GALNTL6: variants seen among roughly 807,000 people sequenced by gnomAD.
GALNTL6 encodes polypeptide N-acetylgalactosaminyltransferase-like 6.
A neutral mutation model predicts 73.7 loss-of-function variants in GALNTL6; 46 were observed. That is an observed-to-expected ratio of 0.62 (90% CI 0.49 to 0.80). The LOEUF is 0.80. GALNTL6 is among the 30% of genes least tolerant of loss of function. The probability of loss-of-function intolerance (pLI) is 0.00; values close to 1 mark genes in which losing one functional copy is unlikely to be tolerated. For missense variants in GALNTL6, 604 were observed against 755.0 expected, an observed-to-expected ratio of 0.80 and a Z score of 2.34; for synonymous variants, 259 against 263.7, an observed-to-expected ratio of 0.98 and a Z score of 0.17.
intron 2 of GALNTL6, among the ~76,000 whole-genome samples, chr4:172,076,677 AT>A (rs1731711689): frequency 6.6e-6 from 1 of 152,152 alleles, no homozygotes; most frequent in Admixed American, 6.6e-5. Context: ...ATATTCATAT[AT>A]TTTCCCATTA....
intron 2 of GALNTL6, among the ~76,000 whole-genome samples, chr4:172,177,830 C>T (rs1359219203): frequency 1.3e-5 from 1 of 74,224 alleles, no homozygotes; most frequent in African/African-American, 4.7e-5. Context: ...TATATATACA[C>T]ACACATATAT....
chr4:172,330,411 C>A (rs1741086379), intron 4 of GALNTL6, among the ~76,000 whole-genome samples: 1 of 152,210 alleles, frequency 6.6e-6, no homozygotes, highest in African/African-American at 2.4e-5. Context: ...GCTCCCCTGG[C>A]TCCATGTTGC....
At chr4:172,539,875 TTATA>T (rs10589603) in intron 5 of GALNTL6, among the ~76,000 whole-genome samples, 22,170 of 126,298 alleles carry the variant, frequency 0.18, 2,140 homozygotes, top group African/African-American at 0.29. Flanking sequence ...ATACATATGA[TTATA>T]TATATATATA....
At chr4:172,538,620 G>A (rs1735438024) in intron 5 of GALNTL6, among the ~76,000 whole-genome samples, 1 of 152,070 alleles carries the variant, frequency 6.6e-6, no homozygotes, top group Non-Finnish European at 1.5e-5. Context: ...TTAAAGAATA[G>A]GTATTTAATA....
At chr4:172,258,308 G>T (rs893505749) in intron 3 of GALNTL6, among the ~76,000 whole-genome samples, 2 of 151,160 alleles carry the variant, frequency 1.3e-5, no homozygotes, top group African/African-American at 4.8e-5. Flanking sequence ...TCATTAGTAT[G>T]TTATTTTTAT....
chr4:172,414,949 T>C (rs1477988106), intron 5 of GALNTL6, among the ~76,000 whole-genome samples: 1 of 152,166 alleles, frequency 6.6e-6, no homozygotes, highest in African/African-American at 2.4e-5. Flanking sequence ...AATAACATCC[T>C]TTTTTTCACT....
intron 2 of GALNTL6, among the ~76,000 whole-genome samples, chr4:171,958,761 GA>G (rs1420127033): frequency 6.6e-6 from 1 of 151,928 alleles, no homozygotes; most frequent in East Asian, 1.9e-4. Flanking sequence ...GTAATGCATT[GA>G]TAAACATCAG....
rs143372746 is a variant in GALNTL6 at position 172,506,001 on chromosome 4, G to A, written c.553+157312G>A. The stretch of plus-strand genomic sequence containing the variant: ...AGGGAAAGAAACAAAAATACACCAA[G>A]CTCGCAGCACATTCAGCATTATCAT... On this transcript the variant is annotated intron_variant, in intron 5 of 12. Transcript: ENST00000506823. Among the ~76,000 whole-genome samples the A allele has an allele frequency of 1.5e-4, 8 of 54,014 alleles. 3 individuals are homozygous for A. The highest frequency in any genetic ancestry group is 3.7e-4 in the African/African-American group (8 of 21,620). 35.4% of individuals were successfully genotyped at this position (54,014 alleles called of 152,430 possible). A position where few individuals can be genotyped will look rare whatever the true frequency, so the allele number is the denominator to read the frequency against.
intron 2 of GALNTL6, among the ~76,000 whole-genome samples, chr4:171,975,650 G>T (rs1173275318): frequency 6.6e-6 from 1 of 152,074 alleles, no homozygotes; most frequent in Non-Finnish European, 1.5e-5. Flanking sequence ...TAGACCTAAA[G>T]AGAATAAAAA....
chr4:172,966,795 C>T (rs1433337134), intron 10 of GALNTL6, among the ~76,000 whole-genome samples: 1 of 152,214 alleles, frequency 6.6e-6, no homozygotes, highest in Non-Finnish European at 1.5e-5. Context: ...AGCCAATATT[C>T]CTCTAAGTGT....
At chr4:172,920,677 G>C (rs937493378) in intron 8 of GALNTL6, among the ~76,000 whole-genome samples, 2 of 152,108 alleles carry the variant, frequency 1.3e-5, no homozygotes, top group Non-Finnish European at 2.9e-5. Context: ...GCTCAAAAAA[G>C]CTTATTCCCT....
chr4:171,827,717 T>C (rs1250149526), intron 2 of GALNTL6, among the ~76,000 whole-genome samples: 1 of 152,190 alleles, frequency 6.6e-6, no homozygotes, highest in Non-Finnish European at 1.5e-5. Context: ...GGAAGTAACC[T>C]GGATACTATT....
At chr4:171,864,166 T>C (rs1185031178) in intron 2 of GALNTL6, among the ~76,000 whole-genome samples, 1 of 152,196 alleles carries the variant, frequency 6.6e-6, no homozygotes, top group African/African-American at 2.4e-5. Flanking sequence ...TACTTTAACA[T>C]TCTCACTCTT....
At chr4:172,349,923 T>C (rs968539529) in intron 5 of GALNTL6, among the ~76,000 whole-genome samples, 22 of 151,928 alleles carry the variant, frequency 1.4e-4, no homozygotes, top group African/African-American at 5.1e-4. Flanking sequence ...TAGGTAGGCA[T>C]GCATTTAATA....
chr4:172,863,203 A>G (rs988988039), intron 7 of GALNTL6, among the ~76,000 whole-genome samples: 1 of 152,210 alleles, frequency 6.6e-6, no homozygotes, highest in Non-Finnish European at 1.5e-5. Flanking sequence ...AAAGGGAAAG[A>G]TGGGATCAGA....
In GALNTL6 at chr4:172,692,814, A is replaced by T. The variant is rs1468508529; in HGVS notation, c.554-116547A>T. Among the ~76,000 whole-genome samples the T allele has an allele frequency of 3.3e-5, 5 of 152,280 alleles. No individual in the cohort carries two copies. In the East Asian group the frequency reaches 9.7e-4, roughly 29 times the overall value. On this transcript the variant is annotated intron_variant, in intron 5 of 12. Transcript: ENST00000506823. ...GGATTGTCTATAACACAACCCTAAA[A>T]TTTTATAAGTCAAGACTTCAAGGCA...
chr4:172,808,839 G>A (rs987751678), intron 5 of GALNTL6, among the ~76,000 whole-genome samples: 3 of 152,204 alleles, frequency 2.0e-5, no homozygotes, highest in Non-Finnish European at 2.9e-5. Context: ...GAAGCCAGGT[G>A]TTAAACTTTC....
chr4:172,339,094 C>T (rs1203267908), intron 4 of GALNTL6, among the ~76,000 whole-genome samples: 2 of 152,122 alleles, frequency 1.3e-5, no homozygotes, highest in Non-Finnish European at 2.9e-5. Context: ...CTTTGCTGCA[C>T]TGTGGTCTCT....
chr4:172,186,946 A>G (rs1323482975), intron 2 of GALNTL6, among the ~76,000 whole-genome samples: 1 of 152,086 alleles, frequency 6.6e-6, no homozygotes, highest in Non-Finnish European at 1.5e-5. Context: ...AATCAAAAAT[A>G]AATAAAGTTC....
Sources: allele counts gnomAD v4.1 joint callset (sites outside exome capture counted in the v4.1 genomes callset), GRCh38; gene constraint gnomAD v4.1.1; transcripts MANE v1.5; gene names NCBI Gene and HGNC (gene_info 2026-07-23, HGNC 2026-07-21).